The following CRPPA variants were observed in gnomAD, a reference collection of about 807,000 sequenced individuals.
CRPPA encodes CDP-L-ribitol pyrophosphorylase A, also known as D-ribitol-5-phosphate cytidylyltransferase.
In CRPPA, 43 loss-of-function variants were observed where a neutral mutation model predicts 52.0. The ratio of observed to expected loss-of-function variants is 0.83; its 90% CI spans 0.65 to 1.07. The LOEUF (loss-of-function observed/expected upper bound fraction) is 1.07. CRPPA is among the 50% of genes least tolerant of loss of function. The pLI, the probability that CRPPA is intolerant of heterozygous loss-of-function variation, is 0.00. For missense variants in CRPPA, 629 were observed against 551.7 expected (o/e 1.14, Z -1.40); for synonymous variants, 250 against 203.5 (o/e 1.23, Z -1.94).
intron 3 of CRPPA, among the ~76,000 whole-genome samples, chr7:16,314,591 G>A (rs986654404): frequency 3.3e-5 from 5 of 151,946 alleles, no homozygotes; most frequent in Non-Finnish European, 7.4e-5. Context: ...TTTTTTACAA[G>A]GCAGGTCTAC....
chr7:16,173,793 C>T (rs762085474), intron 9 of CRPPA, among the ~76,000 whole-genome samples: 12 of 152,092 alleles, frequency 7.9e-5, no homozygotes, highest in East Asian at 3.8e-4. Context: ...AGATATACCA[C>T]GCCACTGAAT....
intron 2 of CRPPA, among the ~76,000 whole-genome samples, chr7:16,383,246 C>G (rs553327956): frequency 0.012 from 1,763 of 152,232 alleles, 40 homozygotes; most frequent in African/African-American, 0.041. Flanking sequence ...TTGGAGTTTG[C>G]TAGAGGTCCA....
chr7:16,408,099 C>A (rs1787995732), intron 1 of CRPPA, among the ~76,000 whole-genome samples: 1 of 142,454 alleles, frequency 7.0e-6, no homozygotes, highest in Non-Finnish European at 1.5e-5. Context: ...CAGAGCAGGA[C>A]TCTGTCTTTA....
At chr7:16,158,136 G>A (rs765658184) in intron 9 of CRPPA, among the ~76,000 whole-genome samples, 73 of 150,580 alleles carry the variant, frequency 4.8e-4, no homozygotes, top group Non-Finnish European at 5.8e-4. Context: ...CGCCCACTTC[G>A]GCCTCCCAAA....
Position 16,301,475 on chromosome 7 carries a change from C to T in CRPPA, c.790-9G>A, listed in dbSNP as rs1784788666. On this transcript the variant is annotated splice_polypyrimidine_tract_variant and intron_variant, in intron 4 of 9. Coordinates refer to ENST00000407010, the MANE Select transcript of CRPPA (RefSeq NM_001101426.4). Reference sequence around the variant, plus strand: ...TCTCGTTTGTAGGTCACCTAAAGGACAGATAAACTTCATTAGACTTAACAG... The same window carrying T: ...TCTCGTTTGTAGGTCACCTAAAGGATAGATAAACTTCATTAGACTTAACAG... The T allele has an allele frequency of 5.6e-6, 9 of 1,607,040 alleles. No individual in the cohort carries two copies. In the East Asian group the frequency reaches 2.0e-4, roughly 36 times the overall value.
chr7:16,378,318 T>C (rs1484888199), intron 2 of CRPPA, among the ~76,000 whole-genome samples: 2 of 135,170 alleles, frequency 1.5e-5, no homozygotes, highest in East Asian at 4.8e-4. Flanking sequence ...TGTCCATGTG[T>C]TCCCATTGTT....
intron 2 of CRPPA, among the ~76,000 whole-genome samples, chr7:16,382,435 C>G (rs1366041861): frequency 2.0e-5 from 3 of 152,156 alleles, no homozygotes; most frequent in East Asian, 3.8e-4. Context: ...TTTTTTCTTT[C>G]ATTTCAACTT....
intron 8 of CRPPA, among the ~76,000 whole-genome samples, chr7:16,250,370 A>G (rs1467790467): frequency 1.3e-5 from 2 of 152,214 alleles, no homozygotes. Context: ...GGAAATACAG[A>G]GACCACCACA....
At position 16,421,357 on chromosome 7, in the gene CRPPA, G is replaced by T; in HGVS notation, c.-35C>A. The T allele has an allele frequency of 1.6e-6, 2 of 1,228,402 alleles. No homozygotes were observed. Among genetic ancestry groups the T allele is most frequent in the Non-Finnish European group, 2.0e-6 (2 of 984,638 alleles). 76.1% of individuals were successfully genotyped at this position (1,228,402 alleles called of 1,614,324 possible). A position where few individuals can be genotyped will look rare whatever the true frequency, so the allele number is the denominator to read the frequency against. On this transcript the variant is annotated 5_prime_UTR_variant, in exon 1 of 10. Coordinates refer to ENST00000407010, the MANE Select transcript of CRPPA (RefSeq NM_001101426.4). ...CGGAACGGCGAGCCCCGCTAGCCTC[G>T]GGCCGATGCGACCCCGCGCTGCTCC...
chr7:16,240,414 T>G (rs1289099548), intron 8 of CRPPA, among the ~76,000 whole-genome samples: 4 of 151,890 alleles, frequency 2.6e-5, no homozygotes, highest in Non-Finnish European at 5.9e-5. Context: ...ATCTCTTAAG[T>G]GCCAACATAA....
rs1562608374 is a variant in CRPPA, at chr7:16,286,039, ATATAAATATATATATAT to A, written c.836-7830_836-7814del. ...CCATCTCAAAAAAAAAAAAAAAAAAATATAAATATATATATATATATATATATATATATATATATATA... is the reference window on the plus strand; with the variant it reads ...CCATCTCAAAAAAAAAAAAAAAAAAAATATATATATATATATATATATATA... On this transcript the variant is annotated intron_variant, in intron 5 of 9. Coordinates refer to ENST00000407010, the MANE Select transcript of CRPPA (RefSeq NM_001101426.4). Among the ~76,000 whole-genome samples the A allele has an allele frequency of 7.1e-3, 169 of 23,930 alleles. 11 individuals carry two copies. The highest frequency in any genetic ancestry group is 9.4e-3 in the East Asian group (9 of 962). 15.7% of individuals were successfully genotyped at this position (23,930 alleles called of 152,430 possible). A position where few individuals can be genotyped will look rare whatever the true frequency, so the allele number is the denominator to read the frequency against.
chr7:16,287,301 T>C (rs1391949923), intron 5 of CRPPA, among the ~76,000 whole-genome samples: 1 of 152,194 alleles, frequency 6.6e-6, no homozygotes, highest in Non-Finnish European at 1.5e-5. Flanking sequence ...ACTTTGATTA[T>C]AGTTTCTATA....
intron 9 of CRPPA, among the ~76,000 whole-genome samples, chr7:16,179,430 A>G (rs982117314): frequency 9.9e-5 from 15 of 151,858 alleles, no homozygotes; most frequent in Non-Finnish European, 1.9e-4. Context: ...GTTATCCTGG[A>G]TTATCTTTAT....
intron 9 of CRPPA, among the ~76,000 whole-genome samples, chr7:16,182,959 G>A (rs891286688): frequency 6.6e-6 from 1 of 152,112 alleles, no homozygotes; most frequent in African/African-American, 2.4e-5. Flanking sequence ...TGCACTTTGA[G>A]TAACAGAAAA....
intron 9 of CRPPA, among the ~76,000 whole-genome samples, chr7:16,151,447 T>A (rs2128378920): frequency 6.6e-6 from 1 of 152,270 alleles, no homozygotes; most frequent in East Asian, 1.9e-4. Context: ...AAAGGCACTC[T>A]GTTCACAGAG....
chr7:16,240,224 T>C (rs1465963331), intron 8 of CRPPA, among the ~76,000 whole-genome samples: 1 of 150,498 alleles, frequency 6.6e-6, no homozygotes, highest in African/African-American at 2.5e-5. Flanking sequence ...TGCAACTAGA[T>C]AAAGGTTCCA....
At chr7:16,242,497 C>A (rs1783144488) in intron 8 of CRPPA, among the ~76,000 whole-genome samples, 1 of 152,108 alleles carries the variant, frequency 6.6e-6, no homozygotes, top group African/African-American at 2.4e-5. Flanking sequence ...TGCAATCTGA[C>A]AGAGGTGGTA....
chr7:16,214,548 T>G (rs529083188), intron 9 of CRPPA, among the ~76,000 whole-genome samples: 1 of 152,144 alleles, frequency 6.6e-6, no homozygotes, highest in Admixed American at 6.5e-5. Context: ...CCCAGACTGG[T>G]GTGCAGGGGC....
intron 2 of CRPPA, among the ~76,000 whole-genome samples, chr7:16,399,381 C>T (rs926103290): frequency 1.2e-4 from 18 of 151,162 alleles, no homozygotes; most frequent in Non-Finnish European, 2.1e-4. Flanking sequence ...ATTTGTGACA[C>T]GATTGAAGTG....
Sources: gnomAD v4.1 joint callset for allele counts (sites outside exome capture counted in the v4.1 genomes callset) on GRCh38, gnomAD v4.1.1 for gene constraint, MANE v1.5 for transcripts, NCBI Gene and HGNC (gene_info 2026-07-23, HGNC 2026-07-21) for gene names.